The following EPB41L1 variants were observed in gnomAD, a reference collection of about 807,000 sequenced individuals.
EPB41L1 encodes the protein band 4.1-like protein 1.
In EPB41L1, 29 loss-of-function variants were observed where a neutral mutation model predicts 97.8. That is an observed-to-expected ratio of 0.30 (90% CI 0.22 to 0.40). EPB41L1 has a LOEUF of 0.40. Among genes scored for constraint, EPB41L1 ranks in the 10% least tolerant of loss-of-function variants. The pLI, the probability that EPB41L1 is intolerant of heterozygous loss-of-function variation, is 1.00. For synonymous variants in EPB41L1, 383 were observed against 459.2 expected, an observed-to-expected ratio of 0.83 and a Z score of 2.12; for missense variants, 812 against 1,162.3, an observed-to-expected ratio of 0.70 and a Z score of 4.38.
intron 1 of EPB41L1, 82 bp from the exon 2 acceptor site, chr20:36,173,682 C>A: frequency 7.8e-7 from 1 of 1,285,858 alleles, no homozygotes; most frequent in Non-Finnish European, 1.1e-6. Flanking sequence ...ATCTGTCTCT[C>A]TCCGCGTGTG....
At chr20:36,117,143 G>C (rs892620237) in intron 2 of EPB41L1, among the ~76,000 whole-genome samples, 2 of 152,124 alleles carry the variant, frequency 1.3e-5, no homozygotes, top group African/African-American at 4.8e-5. Flanking sequence ...TCCTCCTCCT[G>C]TGGCAGTGGC....
rs557126200 is a variant in EPB41L1 at position 36,223,631 on chromosome 20, C to G, written c.2637+1237C>G. On this transcript the variant is annotated intron_variant, in intron 21 of 21. Transcript: ENST00000338074. ...CATTCGTAGGGAGTCCAAAAGCAAG[C>G]AAAACTAATCGACAAGGTTGAAAAT... 6.6e-5 allele frequency among the ~76,000 whole-genome samples: 10 copies of G among 152,032 alleles called. No individual in the cohort carries two copies. In the South Asian group the frequency reaches 2.1e-3, roughly 32 times the overall value.
In EPB41L1 at chr20:36,209,725, T is replaced by C. The variant is rs780799942; in HGVS notation, c.1906T>C (p.Phe636Leu). Residue 636 changes from phenylalanine (F) to leucine (L), a missense_variant, in exon 15 of 22, where the codon TTC (phenylalanine) becomes CTC (leucine). Phe to Leu is a conservative substitution (Grantham distance 22, BLOSUM62 0). Transcript: ENST00000338074. This position sits in a 1 kb window ranked among gnomAD's most constrained non-coding sequence, Gnocchi z 4.2. ...GDYHGSAFED[F>L]SRSLPELDRD... The stretch of plus-strand genomic sequence containing the variant: ...CTACCATGGCAGCGCCTTCGAAGAC[T>C]TCTCCCGCAGCCTGCCTGAGCTCGA... 5 of 1,614,150 alleles carry C rather than the reference T, an allele frequency of 3.1e-6. No homozygotes were observed. Among genetic ancestry groups the C allele is most frequent in the South Asian group, 1.1e-5 (1 of 91,088 alleles).
At chr20:36,208,443 T>TCA (rs1233026627) in intron 14 of EPB41L1, 1 of 357,572 alleles carries the variant, frequency 2.8e-6, no homozygotes, top group East Asian at 9.1e-5. Context: ...GATGACCCAG[T>TCA]CACCTTCACC....
At chr20:36,097,158 G>A (rs991951981) in intron 1 of EPB41L1, among the ~76,000 whole-genome samples, 5 of 152,174 alleles carry the variant, frequency 3.3e-5, no homozygotes, top group Admixed American at 6.5e-5. Context: ...AAATATCTGC[G>A]TCCATGCCTT....
chr20:36,125,738 C>T (rs1044184109), intron 2 of EPB41L1, among the ~76,000 whole-genome samples: 2 of 152,126 alleles, frequency 1.3e-5, no homozygotes, highest in African/African-American at 4.8e-5. Context: ...GCGATGAAGA[C>T]ACTGCAGGGT....
At chr20:36,216,818 G>A (rs2063472440) in intron 17 of EPB41L1, among the ~76,000 whole-genome samples, 2 of 152,270 alleles carry the variant, frequency 1.3e-5, no homozygotes, top group East Asian at 1.9e-4. Flanking sequence ...GCAAGGAGGT[G>A]GATGCAGAGA....
At chr20:36,125,620 G>A (rs2058933001) in intron 2 of EPB41L1, 1 of 1,505,328 alleles carries the variant, frequency 6.6e-7, no homozygotes, top group East Asian at 2.5e-5. Flanking sequence ...GGAGTGGCAG[G>A]AGTTTCCTGT....
At chr20:36,227,338 C>G (rs183889166) in intron 21 of EPB41L1, among the ~76,000 whole-genome samples, 1 of 151,922 alleles carries the variant, frequency 6.6e-6, no homozygotes, top group Non-Finnish European at 1.5e-5. Flanking sequence ...AAAAACGAAA[C>G]GAAGGAAGGA....
chr20:36,112,071 C>G (rs76106802), intron 1 of EPB41L1, among the ~76,000 whole-genome samples: 5 of 152,178 alleles, frequency 3.3e-5, no homozygotes, highest in Admixed American at 2.6e-4. Flanking sequence ...AGGCCCTCAT[C>G]ATATCTCCGC....
Position 36,206,793 on chromosome 20 carries a change from C to T in EPB41L1, c.1669-2695C>T, listed in dbSNP as rs200800529. The T allele has an allele frequency of 1.4e-3, 1,824 of 1,289,836 alleles. 30 individuals are homozygous for T. In the South Asian group the frequency reaches 0.018, roughly 13 times the overall value. The allele number at this position is 1,289,836 out of a possible 1,614,324, so 79.9% of individuals were successfully genotyped here. On this transcript the variant is annotated intron_variant, in intron 14 of 21. Transcript: ENST00000338074. This position sits in a 1 kb window ranked among gnomAD's most constrained non-coding sequence, Gnocchi z 5.5. The stretch of plus-strand genomic sequence containing the variant: ...GAGAGTTTCCCCACCTGACAGCCAG[C>T]GCAGCCCGAGAGGAAGGGACCCCCG...
At chr20:36,225,844 G>A (rs1168077490) in intron 21 of EPB41L1, among the ~76,000 whole-genome samples, 2 of 151,830 alleles carry the variant, frequency 1.3e-5, no homozygotes, top group Non-Finnish European at 2.9e-5. Flanking sequence ...TGCCCACCCC[G>A]CCGCGATGCA....
upstream of EPB41L1, chr20:36,152,471 A>T (rs1434697267): frequency 6.5e-6 from 1 of 153,794 alleles, no homozygotes; most frequent in African/African-American, 2.4e-5. Flanking sequence ...AAGGAAAGGG[A>T]GATGGCCAGG....
At chr20:36,112,107 T>C (rs2058423958) in intron 1 of EPB41L1, among the ~76,000 whole-genome samples, 1 of 152,160 alleles carries the variant, frequency 6.6e-6, no homozygotes. Flanking sequence ...ACCTCCTAAC[T>C]GATGTTCCTG....
intron 1 of EPB41L1, among the ~76,000 whole-genome samples, chr20:36,111,670 C>T (rs2058406425): frequency 6.6e-6 from 1 of 151,826 alleles, no homozygotes; most frequent in Admixed American, 6.6e-5. Flanking sequence ...GCCTGTAATC[C>T]CAGCTACTTG....
chr20:36,139,717 T>C (rs2059561280), intron 2 of EPB41L1, among the ~76,000 whole-genome samples: 2 of 152,222 alleles, frequency 1.3e-5, no homozygotes, highest in South Asian at 4.2e-4. Flanking sequence ...GATTAAGTGC[T>C]TTCTTCTTAT....
In EPB41L1 at chr20:36,229,937, G is replaced by C. The variant is rs2064414553; in HGVS notation, c.*597G>C. The C allele has an allele frequency of 6.6e-6, 1 of 152,558 alleles. No individual in the cohort carries two copies. The allele number at this position is 152,558 out of a possible 1,614,324, so 9.5% of individuals were successfully genotyped here. On this transcript the variant is annotated 3_prime_UTR_variant, in exon 22 of 22. Transcript: ENST00000338074. ...AAATTCCCCACTTGGAAAGAAAGAG[G>C]AGGAACACTGGATTCTTACTTTCTG...
chr20:36,183,068 A>T (rs2061535481), intron 6 of EPB41L1, among the ~76,000 whole-genome samples: 1 of 152,208 alleles, frequency 6.6e-6, no homozygotes. Context: ...AGCATCCTTC[A>T]GGATGAGAGC....
At chr20:36,146,319 T>C (rs948352898) in intron 2 of EPB41L1, among the ~76,000 whole-genome samples, 1 of 152,192 alleles carries the variant, frequency 6.6e-6, no homozygotes, top group African/African-American at 2.4e-5. Flanking sequence ...CAGAGATCGG[T>C]ACCATAACTT....
Sources: allele counts gnomAD v4.1 joint callset (sites outside exome capture counted in the v4.1 genomes callset), GRCh38; gene constraint gnomAD v4.1.1; non-coding constraint Gnocchi (gnomAD v3.1); transcripts MANE v1.5; gene names NCBI Gene and HGNC (gene_info 2026-07-23, HGNC 2026-07-21).